PNPLA3: variants seen among roughly 807,000 people sequenced by gnomAD.
The protein encoded by PNPLA3 is patatin like domain 3, 1-acylglycerol-3-phosphate O-acyltransferase.
Under a neutral mutation model 43.1 loss-of-function variants are expected in PNPLA3, and 42 were observed. That is an observed-to-expected ratio of 0.97 (90% CI 0.76 to 1.26). The LOEUF is 1.26. PNPLA3 is among the 50% of genes most tolerant of loss of function. The pLI is 0.00. For synonymous variants in PNPLA3, 272 were observed against 253.6 expected, an observed-to-expected ratio of 1.07 and a Z score of -0.69; for missense variants, 647 against 621.4, an observed-to-expected ratio of 1.04 and a Z score of -0.44.
chr22:43,937,041 C>G lies in PNPLA3; in HGVS notation c.758-10C>G. 6.2e-7 allele frequency: 1 copy of G among 1,609,362 alleles called. No homozygotes were observed. Among genetic ancestry groups the G allele is most frequent in the Non-Finnish European group, 8.5e-7 (1 of 1,177,100 alleles). Reference sequence around the variant, plus strand: ...TCGCCTGATGGGCTTGTTTTCCGTGCCCTTCACAGGCATCTGCAACAGGCC... The same window carrying G: ...TCGCCTGATGGGCTTGTTTTCCGTGGCCTTCACAGGCATCTGCAACAGGCC... On this transcript the variant is annotated splice_polypyrimidine_tract_variant and intron_variant, in intron 5 of 8. Transcript: ENST00000216180.
chr22:43,924,283 G>A, intron 1 of PNPLA3, 185 bp downstream of exon 1: 1 of 730,426 alleles, frequency 1.4e-6, no homozygotes, highest in Non-Finnish European at 2.0e-6. Flanking sequence ...TCCTGGGCCC[G>A]GGAAGGGGGC....
intron 1 of PNPLA3, among the ~76,000 whole-genome samples, chr22:43,924,636 T>C (rs892760094): frequency 1.3e-5 from 2 of 151,824 alleles, no homozygotes; most frequent in Non-Finnish European, 2.9e-5. Flanking sequence ...CGCCTGCGCT[T>C]TTCTTTTCTT....
chr22:43,944,655 A>G (rs1278337935), intron 7 of PNPLA3, 36 bp from the exon 8 acceptor site: 1 of 1,538,732 alleles, frequency 6.5e-7, no homozygotes, highest in Non-Finnish European at 9.0e-7. Context: ...GTGTCTGCCT[A>G]TGTGTGTGTT....
chr22:43,939,480 C>A, intron 6 of PNPLA3: 1 of 906,140 alleles, frequency 1.1e-6, no homozygotes, highest in Non-Finnish European at 1.3e-6. Flanking sequence ...CTGTTCTTGG[C>A]TGTGCTCCCC....
At chr22:43,925,357 G>T (rs867268732) in intron 1 of PNPLA3, among the ~76,000 whole-genome samples, 48 of 152,290 alleles carry the variant, frequency 3.2e-4, no homozygotes, top group African/African-American at 1.1e-3. Flanking sequence ...TATGCTTCCT[G>T]GGAATTTGTG....
chr22:43,940,024 A>G lies in PNPLA3; in HGVS notation c.1011A>G (p.Gly337=). 2 of 1,614,190 alleles carry G rather than the reference A, an allele frequency of 1.2e-6. No homozygotes were observed. Among genetic ancestry groups the G allele is most frequent in the Non-Finnish European group, 1.7e-6 (2 of 1,180,008 alleles). Residue 337 remains glycine, a synonymous_variant, in exon 7 of 9, where the codon GGA becomes GGG. Transcript: ENST00000216180. ...GTGAAGAAATGAAAGACAAAGGTGG[A>G]TACATGAGCAAGATTTGCAACTTGC... is the stretch of plus-strand genomic sequence containing the variant. ...ALSEEMKDKG[G]YMSKICNLLP...
At chr22:43,939,431 T>A in intron 6 of PNPLA3, 1 of 973,018 alleles carries the variant, frequency 1.0e-6, no homozygotes, top group Non-Finnish European at 1.2e-6. Flanking sequence ...TTAAAGGAGC[T>A]GGGAGTGGGG....
At chr22:43,944,068 G>A (rs994977154) in intron 7 of PNPLA3, among the ~76,000 whole-genome samples, 1 of 152,122 alleles carries the variant, frequency 6.6e-6, no homozygotes, top group Non-Finnish European at 1.5e-5. Flanking sequence ...TTACAGGTGT[G>A]AGCCACCACA....
intron 1 of PNPLA3, among the ~76,000 whole-genome samples, chr22:43,925,801 G>A (rs1191646275): frequency 6.6e-6 from 1 of 152,226 alleles, no homozygotes; most frequent in African/African-American, 2.4e-5. Flanking sequence ...GTATCCCAAG[G>A]TGGCCTGTGG....
In PNPLA3 at chr22:43,926,996, C is replaced by G. The variant is rs370909367; in HGVS notation, c.249C>G (p.Ile83Met). 1 of 1,614,152 alleles carries G rather than the reference C, an allele frequency of 6.2e-7. No homozygotes were observed. Among genetic ancestry groups the G allele is most frequent in the African/African-American group, 1.3e-5 (1 of 74,950 alleles). ...VRKARSRNIG[I>M]FHPSFNLSKF... The stretch of plus-strand genomic sequence containing the variant: ...AGGCCAGGAGTCGGAACATTGGCAT[C>G]TTCCATCCATCCTTCAACTTAAGCA... Residue 83 changes from isoleucine (I) to methionine (M), a missense_variant, in exon 2 of 9, where the codon ATC becomes ATG. By Grantham distance (10) the Ile-to-Met change is conservative. Coordinates refer to ENST00000216180, the MANE Select transcript of PNPLA3 (RefSeq NM_025225.3).
rs755122364 is a variant in PNPLA3 at position 43,927,129 on chromosome 22, C to G, written c.382C>G (p.Leu128Val). The G allele has an allele frequency of 6.2e-7, 1 of 1,614,210 alleles. No individual in the cohort carries two copies. Among genetic ancestry groups the G allele is most frequent in the South Asian group, 1.1e-5 (1 of 91,080 alleles). ...LTRVSDGENV[L>V]VSDFRSKDEV... ...CAGAGTGTCTGATGGGGAAAACGTT[C>G]TGGTGTCTGACTTTCGGTCCAAAGA... The change falls in exon 2 of 9, where the codon CTG becomes GTG. Residue 128 changes from leucine (L) to valine (V), a missense_variant. By Grantham distance (32) the Leu-to-Val change is conservative (BLOSUM62 1). Coordinates refer to ENST00000216180, the MANE Select transcript of PNPLA3 (RefSeq NM_025225.3).
chr22:43,933,384 A>T (rs1319898977), intron 4 of PNPLA3, among the ~76,000 whole-genome samples: 1 of 151,310 alleles, frequency 6.6e-6, no homozygotes, highest in Non-Finnish European at 1.5e-5. Context: ...AGTTATAAAG[A>T]TTTTTTTTTG....
chr22:43,929,792 T>C (rs1265476666), intron 3 of PNPLA3, among the ~76,000 whole-genome samples: 1 of 151,920 alleles, frequency 6.6e-6, no homozygotes, highest in African/African-American at 2.4e-5. Context: ...AGACAGGGTT[T>C]CATCATATTG....
chr22:43,946,830 C>G lies in PNPLA3; in HGVS notation c.*448C>G. On this transcript the variant is annotated 3_prime_UTR_variant, in exon 9 of 9. Transcript: ENST00000216180. ...CCATGCTGTGGGAAGGGGTGCAGTT[C>G]GTCCCCAAGAACGACACTGCCTGTC... is the stretch of plus-strand genomic sequence containing the variant. 2.1e-6 allele frequency: 1 copy of G among 470,772 alleles called. No homozygotes were observed. Among genetic ancestry groups the G allele is most frequent in the East Asian group, 5.6e-5 (1 of 17,762 alleles). The allele number at this position is 470,772 out of a possible 1,614,324, so 29.2% of individuals were successfully genotyped here.
At chr22:43,944,992 A>G (rs971883141) in intron 8 of PNPLA3, among the ~76,000 whole-genome samples, 197 bp downstream of exon 8, 16 of 152,210 alleles carry the variant, frequency 1.1e-4, no homozygotes, top group African/African-American at 3.9e-4. Flanking sequence ...CACCCAGGCC[A>G]ACCTGAACCG....
In PNPLA3 at chr22:43,946,992, G is replaced by A. The variant is rs1489880286; in HGVS notation, c.*610G>A. 2 of 280,396 alleles carry A rather than the reference G, an allele frequency of 7.1e-6. No homozygotes were observed. The highest frequency in any genetic ancestry group is 1.4e-5 in the Non-Finnish European group (2 of 143,874). The allele number at this position is 280,396 out of a possible 1,614,324, so 17.4% of individuals were successfully genotyped here. ...TGTTTAAAGAGTTTTGTATAAAAAT[G>A]TAAGGAAGCGTTGTTACCTGTTGAA... On this transcript the variant is annotated 3_prime_UTR_variant, in exon 9 of 9. Transcript: ENST00000216180.
intron 6 of PNPLA3, among the ~76,000 whole-genome samples, chr22:43,938,298 G>A (rs956536974): frequency 3.9e-5 from 6 of 152,192 alleles, no homozygotes; most frequent in African/African-American, 9.7e-5. Context: ...TTCTTGAGGT[G>A]CCCTAAGAGA....
intron 7 of PNPLA3, 46 bp downstream of exon 7, chr22:43,940,171 G>A (rs773751210): frequency 1.3e-6 from 2 of 1,580,686 alleles, no homozygotes; most frequent in South Asian, 1.1e-5. Flanking sequence ...GGGTTGATAT[G>A]AGGATGAAAC....
rs557952429 is a variant in PNPLA3, at chr22:43,923,891, C to T, written c.-21C>T. 12 of 1,493,126 alleles carry T rather than the reference C, an allele frequency of 8.0e-6. No individual in the cohort carries two copies. The East Asian group carries it at 2.7e-4, about 33-fold the overall frequency. 92.5% of individuals were successfully genotyped at this position (1,493,126 alleles called of 1,614,324 possible). A position where few individuals can be genotyped will look rare whatever the true frequency, so the allele number is the denominator to read the frequency against. On this transcript the variant is annotated 5_prime_UTR_variant, in exon 1 of 9. Transcript: ENST00000216180. Reference sequence around the variant, plus strand: ...TCCCGACCCAGATCCTAACCCGCGCCCCCGCCCCGCCGCCGCCGCCATGTA... The same window carrying T: ...TCCCGACCCAGATCCTAACCCGCGCTCCCGCCCCGCCGCCGCCGCCATGTA...
Sources: gnomAD v4.1 joint callset for allele counts (sites outside exome capture counted in the v4.1 genomes callset) on GRCh38, gnomAD v4.1.1 for gene constraint, MANE v1.5 for transcripts, NCBI Gene and HGNC (gene_info 2026-07-23, HGNC 2026-07-21) for gene names.